Variants in DNAH17 observed in about 807,000 individuals in gnomAD.
The protein encoded by DNAH17 is axonemal beta dynein heavy chain 17.
In DNAH17, 376 loss-of-function variants were observed where a neutral mutation model predicts 485.6. That is an observed-to-expected ratio of 0.77 (90% confidence interval 0.71 to 0.84). The LOEUF (loss-of-function observed/expected upper bound fraction) is 0.84, where lower values mean the gene tolerates loss of function less well. Ranked by LOEUF, DNAH17 falls within the 40% of genes least tolerant of loss-of-function variation. DNAH17 has a pLI of 0.00. For missense variants in DNAH17, 6,370 were observed against 5,839.3 expected, an observed-to-expected ratio of 1.09 and a Z score of -2.96; for synonymous variants, 3,031 against 2,405.9, an observed-to-expected ratio of 1.26 and a Z score of -7.60.
At chr17:78,526,805 C>A in intron 23 of DNAH17, 68 bp from the exon 24 acceptor site, 2 of 1,559,024 alleles carry the variant, frequency 1.3e-6, no homozygotes, top group Non-Finnish European at 1.7e-6. Flanking sequence ...TGGCCCCACC[C>A]TGTATGCCGC....
rs539605964 is a variant in DNAH17, at chr17:78,569,581, C to T, written c.1045-54G>A. ...AGCTCCGACAAGCCATTTGGGGTGA[C>T]GTCCAGGCACGCCGCCTGCAGGACC... On this transcript the variant is annotated intron_variant, in intron 7 of 80. Coordinates refer to ENST00000389840, the MANE Select transcript of DNAH17 (RefSeq NM_173628.4). 1.2e-5 allele frequency: 18 copies of T among 1,554,918 alleles called. No individual in the cohort carries two copies. In the East Asian group the frequency reaches 1.2e-4, roughly 10 times the overall value.
At chr17:78,493,888 C>T in intron 41 of DNAH17, 148 bp downstream of exon 41, 1 of 1,189,924 alleles carries the variant, frequency 8.4e-7, no homozygotes, top group Non-Finnish European at 1.1e-6. Flanking sequence ...CAGCTTCCTC[C>T]CTGGCCCATG....
chr17:78,569,308 TC>T lies in DNAH17; in HGVS notation c.1198-57del, dbSNP rs2092316001. ...GTTTGCTTCAAATGTCCCAAGTTTA[TC>T]AAATATCGGGGCTCATATGAACTCA... On this transcript the variant is annotated intron_variant, in intron 8 of 80. Coordinates refer to ENST00000389840, the MANE Select transcript of DNAH17 (RefSeq NM_173628.4). 3.1e-6 allele frequency: 5 copies of T among 1,600,328 alleles called. No individual in the cohort carries two copies. In the Admixed American group the frequency reaches 7.0e-5, roughly 22 times the overall value.
rs546288171 is a variant in DNAH17, at chr17:78,508,216, C to T, written c.4237-411G>A. Among the ~76,000 whole-genome samples, 88 of 151,884 alleles carry T rather than the reference C, an allele frequency of 5.8e-4. 1 individual carries two copies. The highest frequency in any genetic ancestry group is 3.4e-3 in the Middle Eastern group (1 of 294). On this transcript the variant is annotated intron_variant, in intron 27 of 80. Transcript: ENST00000389840. ...TGAAGGGCAGCAGATGCAGGACTCT[C>T]TCTCTGAGCCTCATGCTGTTCCTGG... is the stretch of plus-strand genomic sequence containing the variant.
At chr17:78,505,572 G>GT in intron 30 of DNAH17, 127 bp from the exon 31 acceptor site, 1 of 1,227,954 alleles carries the variant, frequency 8.1e-7, no homozygotes, top group Non-Finnish European at 1.1e-6. Context: ...TTTGATCAAC[G>GT]TTGACTAAAC....
At chr17:78,458,537 G>C (rs1350147005) in intron 62 of DNAH17, 28 bp downstream of exon 62, 2 of 1,580,440 alleles carry the variant, frequency 1.3e-6, no homozygotes, top group Admixed American at 1.7e-5. Context: ...CTGAGAGCAG[G>C]AGGGTGGTCT....
chr17:78,562,039 T>C (rs542762542), intron 11 of DNAH17, 59 bp from the exon 12 acceptor site: 1 of 1,503,430 alleles, frequency 6.7e-7, no homozygotes, highest in African/African-American at 1.4e-5. Flanking sequence ...CCCCAGCCTG[T>C]GGCTGTGGAC....
At chr17:78,434,839 G>A (rs1310656527) in intron 74 of DNAH17, among the ~76,000 whole-genome samples, 1 of 152,244 alleles carries the variant, frequency 6.6e-6, no homozygotes, top group Admixed American at 6.5e-5. Context: ...AAGCCAAGCT[G>A]TGCTCCACCT....
intron 58 of DNAH17, 116 bp downstream of exon 58, chr17:78,461,428 A>G (rs2088120790): frequency 2.6e-6 from 3 of 1,139,180 alleles, no homozygotes; most frequent in East Asian, 6.0e-5. Flanking sequence ...TTGTCCTTCT[A>G]TGTAAGTCTC....
chr17:78,482,111 T>C (rs984353213), intron 48 of DNAH17, among the ~76,000 whole-genome samples: 1 of 140,314 alleles, frequency 7.1e-6, no homozygotes, highest in African/African-American at 2.7e-5. Flanking sequence ...AGGGTCTTGC[T>C]CTCTCACCCC....
At chr17:78,542,676 C>T (rs970537568) in intron 17 of DNAH17, among the ~76,000 whole-genome samples, 1 of 152,172 alleles carries the variant, frequency 6.6e-6, no homozygotes. Context: ...TGGGGGCTCC[C>T]AGGAGGCTGG....
intron 22 of DNAH17, among the ~76,000 whole-genome samples, chr17:78,529,173 C>T (rs2091159821): frequency 6.6e-6 from 1 of 152,158 alleles, no homozygotes; most frequent in South Asian, 2.1e-4. Context: ...AACTCGAGCT[C>T]AGGCAATCTG....
rs146264764 is a variant in DNAH17, at chr17:78,469,173, G to A, written c.8512-290C>T. 4.7e-3 allele frequency among the ~76,000 whole-genome samples: 718 copies of A among 151,682 alleles called. 8 individuals carry two copies. The highest frequency in any genetic ancestry group is 0.021 in the East Asian group (106 of 5,170). On this transcript the variant is annotated intron_variant, in intron 54 of 80. Transcript: ENST00000389840. ...TTCTTTTTTTTTGAGACTGAGTCTC[G>A]CTCTGTCACCCAGGCTGGAGTGCAG...
Position 78,525,099 on chromosome 17 carries a change from C to A in DNAH17, c.3774G>T (p.Leu1258=). ...IMEALSKSGG[L]FEVPVPDYKQ... ...TGTAGTCTGGGACGGGGACCTCGAA[C>A]AGGCCCCCGGACTTGGACAGCGCCT... Residue 1258 remains leucine, a synonymous_variant, in exon 25 of 81, where the codon CTG becomes CTT. Coordinates refer to ENST00000389840, the MANE Select transcript of DNAH17 (RefSeq NM_173628.4). The A allele has an allele frequency of 6.2e-7, 1 of 1,613,848 alleles. No homozygotes were observed. Among genetic ancestry groups the A allele is most frequent in the African/African-American group, 1.3e-5 (1 of 75,078 alleles).
In DNAH17 at chr17:78,507,498, C is replaced by T. The variant is rs370549315; in HGVS notation, c.4544G>A (p.Gly1515Glu). The change falls in exon 28 of 81, where the codon GGG (glycine) becomes GAG (glutamate). Residue 1515 changes from glycine (G) to glutamate (E), a missense_variant. By Grantham distance (98) the Gly-to-Glu change is moderately conservative. Transcript: ENST00000389840. ...GATGTCGTCAAAGCGCTGGGAGTCCCCCGGGAGCTGGGTGCGGATGTCTTC... is the reference window on the plus strand; with the variant it reads ...GATGTCGTCAAAGCGCTGGGAGTCCTCCGGGAGCTGGGTGCGGATGTCTTC... ...GSEDIRTQLP[G>E]DSQRFDDINQ... The T allele has an allele frequency of 1.9e-6, 3 of 1,613,032 alleles. No homozygotes were observed. The African/African-American group carries it at 4.0e-5, about 22-fold the overall frequency.
chr17:78,441,162 C>A lies in DNAH17; in HGVS notation c.11566G>T (p.Glu3856Ter). The A allele has an allele frequency of 6.2e-7, 1 of 1,613,914 alleles. No individual in the cohort carries two copies. The highest frequency in any genetic ancestry group is 1.1e-5 in the South Asian group (1 of 91,088). The change falls in exon 72 of 81, where the codon GAA becomes TAA. Residue 3856 changes from glutamate (E) to a stop codon, truncating the protein, a stop_gained. Coordinates refer to ENST00000389840, the MANE Select transcript of DNAH17 (RefSeq NM_173628.4). LOFTEE classifies it high-confidence loss of function. ...VEEKMGSKFVEGRSVEFSKSY... is the reference protein window; with the variant it reads ...VEEKMGSKFV ...TTAGAAAACTCAACACTCCGGCCTT[C>A]CACGAACTTGCTGCCCATCTTTTCC...
chr17:78,501,129 C>T (rs887651363), intron 35 of DNAH17, 55 bp downstream of exon 35: 1 of 1,506,272 alleles, frequency 6.6e-7, no homozygotes, highest in African/African-American at 1.4e-5. Flanking sequence ...TTCCAAGAAT[C>T]ATGCGGAAGG....
chr17:78,495,970 G>T lies in DNAH17; in HGVS notation c.5808C>A (p.Ile1936=), dbSNP rs1262438733. The T allele has an allele frequency of 3.1e-6, 5 of 1,613,964 alleles. No homozygotes were observed. The highest frequency in any genetic ancestry group is 4.2e-6 in the Non-Finnish European group (5 of 1,179,864). The change falls in exon 38 of 81, where the codon ATC becomes ATA. Residue 1936 remains isoleucine, a synonymous_variant. Transcript: ENST00000389840. ...TACCGACGGTGGGAATGAGGCCTAT[G>T]ATCTCTCCCAGGAAATTGAATGCTT... ...KKKAFNFLGE[I]IGLIPTVGIF...
intron 44 of DNAH17, among the ~76,000 whole-genome samples, chr17:78,490,440 C>CCT (rs932394541): frequency 2.6e-5 from 4 of 152,250 alleles, no homozygotes; most frequent in Non-Finnish European, 5.9e-5. Context: ...CCAAGACCTC[C>CCT]CTTCCCACAC....
Sources: allele counts gnomAD v4.1 joint callset (sites outside exome capture counted in the v4.1 genomes callset), GRCh38; gene constraint gnomAD v4.1.1; transcripts MANE v1.5; gene names NCBI Gene and HGNC (gene_info 2026-07-23, HGNC 2026-07-21).